TRPC3: variants seen among roughly 807,000 people sequenced by gnomAD.
TRPC3 encodes short transient receptor potential channel 3.
A neutral mutation model predicts 90.9 loss-of-function variants in TRPC3; 54 were observed. That is an observed-to-expected ratio of 0.59 (90% CI 0.48 to 0.75). The LOEUF (loss-of-function observed/expected upper bound fraction) is 0.75. Among genes scored for constraint, TRPC3 ranks in the 30% least tolerant of loss-of-function variants. The probability of loss-of-function intolerance (pLI) is 0.00; values close to 1 mark genes in which losing one functional copy is unlikely to be tolerated. For missense variants in TRPC3, 918 were observed against 1,194.5 expected (o/e 0.77, Z 3.41); for synonymous variants, 424 against 450.9 (o/e 0.94, Z 0.75).
At chr4:121,915,060 T>C in intron 3 of TRPC3, 116 bp from the exon 4 acceptor site, 1 of 904,856 alleles carries the variant, frequency 1.1e-6, no homozygotes, top group Non-Finnish European at 1.5e-6. Flanking sequence ...ATATTTTTTC[T>C]AGCATATTGG....
chr4:121,935,312 T>A (rs1267077157), intron 1 of TRPC3, among the ~76,000 whole-genome samples: 1 of 152,102 alleles, frequency 6.6e-6, no homozygotes, highest in Non-Finnish European at 1.5e-5. Flanking sequence ...TGTTTGGCTG[T>A]TATGAGTAGG....
chr4:121,886,251 T>C (rs1205549828), intron 10 of TRPC3, among the ~76,000 whole-genome samples: 2 of 152,212 alleles, frequency 1.3e-5, no homozygotes, highest in East Asian at 3.8e-4. Flanking sequence ...TACTTTTACA[T>C]TCATTCTCTC....
rs1387147558 is a variant in TRPC3 at position 121,951,722 on chromosome 4, C to A, written c.-42G>T. 3.1e-6 allele frequency: 4 copies of A among 1,284,264 alleles called. No homozygotes were observed. The highest frequency in any genetic ancestry group is 3.0e-6 in the Non-Finnish European group (3 of 1,003,828). The allele number at this position is 1,284,264 out of a possible 1,614,324, so 79.6% of individuals were successfully genotyped here. ...CGAGTGTGGGGGTGCCGGCTGCCGG[C>A]CTCCTCCGCCTTCGCGGCAGTGCAG... On this transcript the variant is annotated 5_prime_UTR_variant, in exon 1 of 12. Transcript: ENST00000379645. The surrounding 1 kb of genome is among the most constrained non-coding windows in gnomAD (Gnocchi z 4.4).
intron 7 of TRPC3, among the ~76,000 whole-genome samples, chr4:121,906,611 T>C (rs543550086): frequency 1.3e-5 from 2 of 152,196 alleles, no homozygotes; most frequent in East Asian, 3.9e-4. Flanking sequence ...GCAGTGGCAT[T>C]ATTGGGAACA....
At chr4:121,903,444 A>C (rs1431271269) in intron 8 of TRPC3, among the ~76,000 whole-genome samples, 1 of 152,138 alleles carries the variant, frequency 6.6e-6, no homozygotes, top group Non-Finnish European at 1.5e-5. Flanking sequence ...TTCCTCACCT[A>C]TACCTATCCA....
At chr4:121,919,066 T>C (rs1318337910) in intron 3 of TRPC3, among the ~76,000 whole-genome samples, 2 of 152,246 alleles carry the variant, frequency 1.3e-5, no homozygotes, top group Non-Finnish European at 2.9e-5. Context: ...TTGAGTTTTC[T>C]GATTCAAAGA....
chr4:121,904,253 A>G (rs910022088), intron 8 of TRPC3, 69 bp downstream of exon 8: 5 of 1,404,856 alleles, frequency 3.6e-6, no homozygotes, highest in Non-Finnish European at 4.9e-6. Flanking sequence ...GCCACAGGGT[A>G]CAGAAGCAGA....
intron 4 of TRPC3, 27 bp downstream of exon 4, chr4:121,914,753 G>A (rs747083640): frequency 1.3e-6 from 2 of 1,576,526 alleles, no homozygotes; most frequent in South Asian, 1.1e-5. Flanking sequence ...CACCACCACA[G>A]AGGAAATAGA....
chr4:121,888,752 GA>G (rs560553254), intron 10 of TRPC3, among the ~76,000 whole-genome samples: 292 of 151,730 alleles, frequency 1.9e-3, no homozygotes, highest in Admixed American at 3.1e-3. Flanking sequence ...CAGGCTGCAT[GA>G]AAAAAAATCT....
In TRPC3 at chr4:121,932,088, G is replaced by A. The variant is rs562473603; in HGVS notation, c.987+183C>T. 6.6e-6 allele frequency among the ~76,000 whole-genome samples: 1 copy of A among 152,306 alleles called. No individual in the cohort carries two copies. The highest frequency in any genetic ancestry group is 2.4e-5 in the African/African-American group (1 of 41,562). ...GGATCCCCAAAGCGAATTTGTCACA[G>A]CACCATCATTGAGAGGGAGAAAGAA... is the stretch of plus-strand genomic sequence containing the variant. On this transcript the variant is annotated intron_variant, in intron 2 of 11. Coordinates refer to ENST00000379645, the MANE Select transcript of TRPC3 (RefSeq NM_001130698.2). The surrounding 1 kb of genome is among the most constrained non-coding windows in gnomAD (Gnocchi z 7.7).
intron 1 of TRPC3, among the ~76,000 whole-genome samples, chr4:121,935,110 C>G (rs960211108): frequency 6.6e-6 from 1 of 152,290 alleles, no homozygotes; most frequent in Non-Finnish European, 1.5e-5. Flanking sequence ...TTTTACTTTT[C>G]ACTTATACCC....
chr4:121,904,520 G>T lies in TRPC3; in HGVS notation c.2058-3C>A. ...AAGTCTTGAAACTTTCTTCTACACT[G>T]TTGAAAAAATAAGATACAAAGTAAG... On this transcript the variant is annotated splice_polypyrimidine_tract_variant and splice_region_variant and intron_variant, in intron 7 of 11. Coordinates refer to ENST00000379645, the MANE Select transcript of TRPC3 (RefSeq NM_001130698.2). 6.5e-7 allele frequency: 1 copy of T among 1,532,924 alleles called. No individual in the cohort carries two copies. The highest frequency in any genetic ancestry group is 8.7e-7 in the Non-Finnish European group (1 of 1,144,498). 95.0% of individuals were successfully genotyped at this position (1,532,924 alleles called of 1,614,324 possible).
At chr4:121,883,587 T>C (rs1364243543) in intron 10 of TRPC3, among the ~76,000 whole-genome samples, 1 of 152,156 alleles carries the variant, frequency 6.6e-6, no homozygotes, top group Non-Finnish European at 1.5e-5. Flanking sequence ...AGACACAATT[T>C]TACATCTAAT....
intron 6 of TRPC3, 30 bp from the exon 7 acceptor site, chr4:121,907,597 T>A: frequency 1.3e-6 from 2 of 1,579,458 alleles, no homozygotes; most frequent in Non-Finnish European, 1.7e-6. Context: ...AGATTAAAAA[T>A]GGAGCTTTCT....
At chr4:121,899,540 C>T (rs1728631637) in intron 10 of TRPC3, 72 bp downstream of exon 10, 1 of 1,272,026 alleles carries the variant, frequency 7.9e-7, no homozygotes, top group African/African-American at 1.5e-5. Flanking sequence ...ACTCATGACA[C>T]ACACACAAAC....
intron 10 of TRPC3, among the ~76,000 whole-genome samples, chr4:121,894,201 A>G (rs1728431254): frequency 6.6e-6 from 1 of 152,150 alleles, no homozygotes; most frequent in Admixed American, 6.6e-5. Context: ...GTATAACCAT[A>G]TGATGGAATA....
At chr4:121,945,136 C>T (rs553286964) in intron 1 of TRPC3, among the ~76,000 whole-genome samples, 1 of 152,332 alleles carries the variant, frequency 6.6e-6, no homozygotes, top group Non-Finnish European at 1.5e-5. Context: ...CTTCTTATCA[C>T]ACAGTGTAAG....
At chr4:121,899,307 A>T (rs1216215153) in intron 10 of TRPC3, among the ~76,000 whole-genome samples, 1 of 152,192 alleles carries the variant, frequency 6.6e-6, no homozygotes, top group Non-Finnish European at 1.5e-5. Context: ...TAAGTTATAC[A>T]TTATTTGGCA....
Position 121,932,207 on chromosome 4 carries a change from G to A in TRPC3, c.987+64C>T. The A allele has an allele frequency of 7.0e-6, 11 of 1,576,608 alleles. No homozygotes were observed. The South Asian group carries it at 1.2e-4, about 17-fold the overall frequency. ...TGTGGAGCGAACGGTGGCAGAGCAG[G>A]CCAGGCAGCAGCGGGGAAGTTGGGT... On this transcript the variant is annotated intron_variant, in intron 2 of 11. Coordinates refer to ENST00000379645, the MANE Select transcript of TRPC3 (RefSeq NM_001130698.2). The surrounding 1 kb of genome is among the most constrained non-coding windows in gnomAD (Gnocchi z 7.7).
Sources: allele counts gnomAD v4.1 joint callset (sites outside exome capture counted in the v4.1 genomes callset), GRCh38; gene constraint gnomAD v4.1.1; non-coding constraint Gnocchi (gnomAD v3.1); transcripts MANE v1.5; gene names NCBI Gene and HGNC (gene_info 2026-07-23, HGNC 2026-07-21).